Variants in TTLL5 observed in about 807,000 individuals in gnomAD.
The protein encoded by TTLL5 is tubulin polyglutamylase TTLL5.
TTLL5 carries 132 observed loss-of-function variants against 168.4 expected under a neutral mutation model. The ratio of observed to expected loss-of-function variants is 0.78; its 90% CI spans 0.68 to 0.91. The LOEUF is 0.91. Ranked by LOEUF, TTLL5 falls within the 40% of genes least tolerant of loss-of-function variation. The pLI is 0.00. For synonymous variants in TTLL5, 546 were observed against 558.6 expected (o/e 0.98, Z 0.32); for missense variants, 1,545 against 1,581.5 (o/e 0.98, Z 0.39).
At chr14:75,928,938 T>C (rs1231378315) in intron 31 of TTLL5, among the ~76,000 whole-genome samples, 1 of 152,212 alleles carries the variant, frequency 6.6e-6, no homozygotes, top group Non-Finnish European at 1.5e-5. Context: ...ATCCTCGGCA[T>C]AAATCCATTT....
At chr14:75,861,916 T>C (rs1207830666) in intron 28 of TTLL5, among the ~76,000 whole-genome samples, 1 of 152,212 alleles carries the variant, frequency 6.6e-6, no homozygotes, top group Non-Finnish European at 1.5e-5. Context: ...ATTTAGTACA[T>C]TTATACTGTT....
At chr14:75,870,943 C>T (rs982451748) in intron 29 of TTLL5, among the ~76,000 whole-genome samples, 89 of 151,780 alleles carry the variant, frequency 5.9e-4, no homozygotes, top group African/African-American at 1.9e-3. Flanking sequence ...TACAGGCGCC[C>T]GCCACCACGC....
chr14:75,874,341 C>G (rs938088321), intron 29 of TTLL5, among the ~76,000 whole-genome samples: 1 of 152,188 alleles, frequency 6.6e-6, no homozygotes, highest in South Asian at 2.1e-4. Flanking sequence ...ATCCACCCGC[C>G]TCGGCCTCCC....
chr14:75,680,273 T>C (rs938512027), intron 3 of TTLL5, among the ~76,000 whole-genome samples: 3 of 152,026 alleles, frequency 2.0e-5, no homozygotes, highest in African/African-American at 4.8e-5. Flanking sequence ...TGGCAGGAAA[T>C]GTGATTGAGT....
intron 13 of TTLL5, among the ~76,000 whole-genome samples, chr14:75,733,631 CATAAA>C (rs1364675102): frequency 6.6e-6 from 1 of 152,078 alleles, no homozygotes; most frequent in Non-Finnish European, 1.5e-5. Flanking sequence ...TGGACATACT[CATAAA>C]AGAGCATACT....
At chr14:75,881,883 C>T (rs1181631871) in intron 29 of TTLL5, among the ~76,000 whole-genome samples, 2 of 152,110 alleles carry the variant, frequency 1.3e-5, no homozygotes, top group Non-Finnish European at 2.9e-5. Context: ...TTTTAAGCAT[C>T]TACTTGAAGG....
In TTLL5 at chr14:75,771,768, C is replaced by T. The variant is rs1032611319; in HGVS notation, c.2050C>T (p.Leu684Phe). The change falls in exon 21 of 32, where the codon CTC becomes TTC. Residue 684 changes from leucine to phenylalanine, a missense_variant. Physicochemically the swap from Leu to Phe is conservative, Grantham distance 22. Transcript: ENST00000298832. Reference protein sequence around the residue: ...MQARIAFSAYLQHVQIRLMKD... With the variant: ...MQARIAFSAYFQHVQIRLMKD... ...GGCCCGAATAGCATTCTCTGCCTAT[C>T]TCCAGCATGTTCAAATTCGCCTGAT... is the stretch of plus-strand genomic sequence containing the variant. The T allele has an allele frequency of 6.2e-7, 1 of 1,614,096 alleles. No homozygotes were observed. The highest frequency in any genetic ancestry group is 8.5e-7 in the Non-Finnish European group (1 of 1,179,982).
chr14:75,901,980 A>C (rs999538940), intron 30 of TTLL5, among the ~76,000 whole-genome samples, 162 bp from the exon 31 acceptor site: 6 of 152,178 alleles, frequency 3.9e-5, no homozygotes, highest in Non-Finnish European at 8.8e-5. Context: ...TTTGTCATAG[A>C]GTCTTCTCTG....
At chr14:75,830,983 C>T (rs968438855) in intron 28 of TTLL5, among the ~76,000 whole-genome samples, 20 of 151,958 alleles carry the variant, frequency 1.3e-4, no homozygotes, top group African/African-American at 4.6e-4. Flanking sequence ...ATGGTAGCCA[C>T]GAGCCACATG....
chr14:75,745,648 A>G, intron 17 of TTLL5, 67 bp downstream of exon 17: 1 of 1,200,710 alleles, frequency 8.3e-7, no homozygotes, highest in Non-Finnish European at 1.2e-6. Flanking sequence ...ATTGTGATAC[A>G]CTGTCATCAC....
intron 5 of TTLL5, chr14:75,689,489 C>A (rs1032451339): frequency 1.3e-5 from 2 of 152,174 alleles, no homozygotes; most frequent in South Asian, 2.1e-4. Context: ...TAAAAACTTA[C>A]GTTTACAGTA....
chr14:75,803,790 A>C (rs1893481921), intron 27 of TTLL5, among the ~76,000 whole-genome samples: 2 of 152,088 alleles, frequency 1.3e-5, no homozygotes, highest in Admixed American at 1.3e-4. Flanking sequence ...GCTGGAAGGG[A>C]GTGTAGTGCT....
At chr14:75,699,412 A>G in intron 7 of TTLL5, 142 bp downstream of exon 7, 1 of 763,110 alleles carries the variant, frequency 1.3e-6, no homozygotes. Flanking sequence ...AGTTAAGCGT[A>G]GGTATAACTT....
chr14:75,927,880 G>A (rs1355331575), intron 31 of TTLL5, among the ~76,000 whole-genome samples: 2 of 152,148 alleles, frequency 1.3e-5, no homozygotes, highest in African/African-American at 2.4e-5. Context: ...GAGCAGCTGA[G>A]AATGGGGCTA....
chr14:75,781,106 TG>T, intron 24 of TTLL5, among the ~76,000 whole-genome samples: 1 of 152,196 alleles, frequency 6.6e-6, no homozygotes, highest in East Asian at 1.9e-4. Flanking sequence ...CGTGCTAATT[TG>T]GGGAGGTAGG....
At chr14:75,675,136 T>C (rs758118776) in intron 3 of TTLL5, among the ~76,000 whole-genome samples, 2 of 152,204 alleles carry the variant, frequency 1.3e-5, no homozygotes, top group Non-Finnish European at 2.9e-5. Flanking sequence ...CATTCTTAAA[T>C]TTAAATTAAC....
intron 28 of TTLL5, among the ~76,000 whole-genome samples, chr14:75,845,911 A>G (rs564384763): frequency 1.3e-5 from 2 of 152,368 alleles, no homozygotes; most frequent in South Asian, 2.1e-4. Context: ...CAAAGGACAG[A>G]TGGAAATATT....
chr14:75,789,914 CT>C (rs1185921958), intron 26 of TTLL5, among the ~76,000 whole-genome samples: 1 of 151,898 alleles, frequency 6.6e-6, no homozygotes. Flanking sequence ...TGAGAACCTA[CT>C]GAAGAAGAAA....
At chr14:75,818,483 T>A in intron 27 of TTLL5, 1 of 407,000 alleles carries the variant, frequency 2.5e-6, no homozygotes, top group Non-Finnish European at 4.7e-6. Flanking sequence ...ATTATTTTTC[T>A]TTTCTTTTCT....
Sources: gnomAD v4.1 joint callset for allele counts (sites outside exome capture counted in the v4.1 genomes callset) on GRCh38, gnomAD v4.1.1 for gene constraint, MANE v1.5 for transcripts, NCBI Gene and HGNC (gene_info 2026-07-23, HGNC 2026-07-21) for gene names.